Variants in KCNT2 observed in about 807,000 individuals in gnomAD.
KCNT2 encodes the protein potassium sodium-activated channel subfamily T member 2.
KCNT2 carries 67 observed loss-of-function variants against 153.8 expected under a neutral mutation model. That is an observed-to-expected ratio of 0.44 (90% CI 0.36 to 0.53). KCNT2 has a LOEUF of 0.53. Among genes scored for constraint, KCNT2 ranks in the 20% least tolerant of loss-of-function variants. The pLI is 0.00. For synonymous variants in KCNT2, 500 were observed against 458.8 expected (o/e 1.09, Z -1.15); for missense variants, 975 against 1,354.8 (o/e 0.72, Z 4.40).
At chr1:196,521,106 AAG>A (rs1185004806) in intron 1 of KCNT2, among the ~76,000 whole-genome samples, 3 of 152,196 alleles carry the variant, frequency 2.0e-5, no homozygotes, top group Non-Finnish European at 4.4e-5. Flanking sequence ...AAAAGAAAAC[AAG>A]TAGCCCCATT....
At chr1:196,472,349 T>C (rs749133240) in intron 5 of KCNT2, among the ~76,000 whole-genome samples, 6 of 152,200 alleles carry the variant, frequency 3.9e-5, no homozygotes, top group Non-Finnish European at 8.8e-5. Context: ...AAAGTAATCA[T>C]GTAGAAATGA....
intron 14 of KCNT2, among the ~76,000 whole-genome samples, chr1:196,371,341 C>T (rs1158321532): frequency 2.0e-5 from 3 of 148,594 alleles, no homozygotes; most frequent in Non-Finnish European, 4.4e-5. Context: ...TTGCCTAGGG[C>T]TGCAAGAATT....
chr1:196,299,365 A>C (rs1379213070), intron 22 of KCNT2, among the ~76,000 whole-genome samples: 1 of 152,140 alleles, frequency 6.6e-6, no homozygotes, highest in Non-Finnish European at 1.5e-5. Flanking sequence ...CGTAAAAAAA[A>C]AATCAGCAAA....
At chr1:196,313,459 A>G (rs1245638885) in intron 21 of KCNT2, among the ~76,000 whole-genome samples, 1 of 151,540 alleles carries the variant, frequency 6.6e-6, no homozygotes, top group Non-Finnish European at 1.5e-5. Context: ...GTAAATCAGG[A>G]ACTAAAATCT....
intron 1 of KCNT2, among the ~76,000 whole-genome samples, chr1:196,539,911 T>C (rs1453519986): frequency 2.0e-5 from 3 of 151,922 alleles, no homozygotes; most frequent in Admixed American, 6.6e-5. Context: ...CTGTTAGTTG[T>C]TATTACTTTA....
At chr1:196,565,293 A>C (rs562085992) in intron 1 of KCNT2, among the ~76,000 whole-genome samples, 1 of 151,944 alleles carries the variant, frequency 6.6e-6, no homozygotes, top group African/African-American at 2.4e-5. Flanking sequence ...ACAAAAGATA[A>C]GTGTTGGCTA....
At chr1:196,431,628 G>C (rs1432221927) in intron 8 of KCNT2, among the ~76,000 whole-genome samples, 3 of 152,072 alleles carry the variant, frequency 2.0e-5, no homozygotes, top group Admixed American at 1.3e-4. Flanking sequence ...TTTGTGGAAG[G>C]CACAATTTAA....
chr1:196,547,809 ATCT>A (rs1392745385), intron 1 of KCNT2, among the ~76,000 whole-genome samples: 7 of 151,990 alleles, frequency 4.6e-5, no homozygotes, highest in Non-Finnish European at 7.4e-5. Context: ...AAAGCAATAC[ATCT>A]TCTTTTAGAA....
chr1:196,255,153 T>C (rs1656358205), intron 26 of KCNT2, among the ~76,000 whole-genome samples: 1 of 151,684 alleles, frequency 6.6e-6, no homozygotes, highest in South Asian at 2.1e-4. Flanking sequence ...AAACAGATTA[T>C]TGAGGAATAA....
At chr1:196,236,978 C>A (rs2102240023) in intron 26 of KCNT2, among the ~76,000 whole-genome samples, 1 of 151,646 alleles carries the variant, frequency 6.6e-6, no homozygotes, top group Middle Eastern at 3.4e-3. Context: ...TGTTTTTGAG[C>A]TATAGTATTC....
At chr1:196,449,279 T>A (rs1675950551) in intron 8 of KCNT2, among the ~76,000 whole-genome samples, 1 of 151,608 alleles carries the variant, frequency 6.6e-6, no homozygotes, top group Admixed American at 6.6e-5. Context: ...ATTTAGAACA[T>A]CCTAAAATCA....
At chr1:196,495,310 G>T (rs772516434) in intron 1 of KCNT2, among the ~76,000 whole-genome samples, 6 of 151,760 alleles carry the variant, frequency 4.0e-5, no homozygotes, top group Non-Finnish European at 7.4e-5. Context: ...TAGCAGCAAG[G>T]CATGTTAGTG....
At chr1:196,470,950 G>T (rs575240871) in intron 5 of KCNT2, among the ~76,000 whole-genome samples, 160 of 146,860 alleles carry the variant, frequency 1.1e-3, no homozygotes, top group Middle Eastern at 7.0e-3. Flanking sequence ...CACAATCTCG[G>T]CTCACTGCAA....
intron 23 of KCNT2, among the ~76,000 whole-genome samples, chr1:196,282,969 C>G (rs1387086784): frequency 6.6e-6 from 1 of 152,156 alleles, no homozygotes; most frequent in Non-Finnish European, 1.5e-5. Flanking sequence ...CTCAGCCTCC[C>G]AAGTAGCTGA....
chr1:196,318,100 A>C (rs184013511), intron 20 of KCNT2, among the ~76,000 whole-genome samples: 74 of 151,416 alleles, frequency 4.9e-4, no homozygotes, highest in Admixed American at 1.4e-3. Flanking sequence ...GCTGCTTTAC[A>C]CAGTGTGGCC....
chr1:196,273,230 T>C (rs1175234630), intron 25 of KCNT2, among the ~76,000 whole-genome samples: 3 of 151,826 alleles, frequency 2.0e-5, no homozygotes, highest in African/African-American at 4.8e-5. Context: ...CACACAAATA[T>C]CGAAACAAAT....
chr1:196,334,770 T>A (rs1572077075), intron 16 of KCNT2, among the ~76,000 whole-genome samples: 1 of 152,098 alleles, frequency 6.6e-6, no homozygotes, highest in Non-Finnish European at 1.5e-5. Context: ...GAAACCTGTA[T>A]GTAGCAAGTA....
chr1:196,485,697 A>G (rs1261941928), intron 3 of KCNT2, among the ~76,000 whole-genome samples: 1 of 152,024 alleles, frequency 6.6e-6, no homozygotes, highest in Non-Finnish European at 1.5e-5. Flanking sequence ...CAATGGAAAG[A>G]CATACTTTTA....
At chr1:196,237,143 A>T (rs567136553) in intron 26 of KCNT2, among the ~76,000 whole-genome samples, 4 of 151,794 alleles carry the variant, frequency 2.6e-5, no homozygotes, top group African/African-American at 9.6e-5. Flanking sequence ...ACTGCATTAA[A>T]CTAAAATCAA....
Sources: allele counts gnomAD v4.1 joint callset (sites outside exome capture counted in the v4.1 genomes callset), GRCh38; gene constraint gnomAD v4.1.1; transcripts MANE v1.5; gene names NCBI Gene and HGNC (gene_info 2026-07-23, HGNC 2026-07-21).